The following TOM1 variants were observed in gnomAD, a reference collection of about 807,000 sequenced individuals.
TOM1 encodes target of myb1 membrane trafficking protein, also known as target of Myb protein 1.
A neutral mutation model predicts 61.3 loss-of-function variants in TOM1; 38 were observed. The observed-to-expected ratio is 0.62, with a 90% CI of 0.48 to 0.81. The LOEUF (loss-of-function observed/expected upper bound fraction) is 0.81, where lower values mean the gene tolerates loss of function less well. Among genes scored for constraint, TOM1 ranks in the 40% least tolerant of loss-of-function variants. The probability of loss-of-function intolerance (pLI) is 0.00; values close to 1 mark genes in which losing one functional copy is unlikely to be tolerated. For missense variants in TOM1, 591 were observed against 659.6 expected (o/e 0.90, Z 1.14); for synonymous variants, 270 against 268.8 (o/e 1.00, Z -0.04).
At chr22:35,299,757 C>A (rs1925536589), upstream of TOM1, 7 of 711,734 alleles carry the variant, frequency 9.8e-6, no homozygotes, top group East Asian at 1.9e-4. Flanking sequence ...CGCCCTCCGC[C>A]TCGGGGGCGG....
rs8136664 is a variant in TOM1 at position 35,333,588 on chromosome 22, A to G, written c.1027+91A>G. 2.2e-3 allele frequency: 2,535 copies of G among 1,140,810 alleles called. 41 individuals carry two copies. The African/African-American group carries it at 0.035, about 16-fold the overall frequency. The allele number at this position is 1,140,810 out of a possible 1,614,324, so 70.7% of individuals were successfully genotyped here. ...TTCGGGGTGCCCTTGTTATATACCC[A>G]CAGCAGAGTGTCAGTCTGGACCCCA... On this transcript the variant is annotated intron_variant, in intron 10 of 14. Coordinates refer to ENST00000449058, the MANE Select transcript of TOM1 (RefSeq NM_005488.3).
chr22:35,332,188 C>T (rs1283195538), intron 8 of TOM1, among the ~76,000 whole-genome samples: 1 of 152,112 alleles, frequency 6.6e-6, no homozygotes, highest in African/African-American at 2.4e-5. Context: ...TTCTCCTGCT[C>T]GTTGGCCCAG....
rs558421255 is a variant in TOM1 at position 35,347,634 on chromosome 22, T to G, written c.*425T>G. On this transcript the variant is annotated 3_prime_UTR_variant, in exon 15 of 15. Coordinates refer to ENST00000449058, the MANE Select transcript of TOM1 (RefSeq NM_005488.3). Reference sequence around the variant, plus strand: ...TGGAGGCTGGCCACAGTGGAAATTCTGCCGAGCCTCTTGTCCCTTCCCTGC... The same window carrying G: ...TGGAGGCTGGCCACAGTGGAAATTCGGCCGAGCCTCTTGTCCCTTCCCTGC... 1 of 159,720 alleles carries G rather than the reference T, an allele frequency of 6.3e-6. No individual in the cohort carries two copies. Among genetic ancestry groups the G allele is most frequent in the African/African-American group, 2.4e-5 (1 of 41,762 alleles). The allele number at this position is 159,720 out of a possible 1,614,324, so 9.9% of individuals were successfully genotyped here.
intron 12 of TOM1, among the ~76,000 whole-genome samples, chr22:35,342,374 C>T (rs1427449085): frequency 1.3e-5 from 2 of 152,038 alleles, no homozygotes; most frequent in African/African-American, 4.8e-5. Flanking sequence ...GGGAGCAGGA[C>T]TCTCGTCTCC....
chr22:35,300,679 C>T (rs569977860), intron 1 of TOM1, among the ~76,000 whole-genome samples: 2 of 152,312 alleles, frequency 1.3e-5, no homozygotes, highest in African/African-American at 4.8e-5. Flanking sequence ...CAAGCCAAGC[C>T]CAGGGCACCT....
intron 1 of TOM1, among the ~76,000 whole-genome samples, chr22:35,312,852 T>G (rs1926955297): frequency 6.6e-6 from 1 of 152,100 alleles, no homozygotes; most frequent in Admixed American, 6.6e-5. Flanking sequence ...CCTCAGGCAG[T>G]GAGGGTGATG....
chr22:35,310,293 G>A (rs1926708302), intron 1 of TOM1, among the ~76,000 whole-genome samples: 1 of 152,172 alleles, frequency 6.6e-6, no homozygotes, highest in Admixed American at 6.5e-5. Context: ...GGTGGCTCAC[G>A]CCTGTAATCC....
intron 1 of TOM1, among the ~76,000 whole-genome samples, chr22:35,304,055 C>T (rs1175010646): frequency 6.6e-6 from 1 of 152,188 alleles, no homozygotes; most frequent in Non-Finnish European, 1.5e-5. Flanking sequence ...GTATTAATCT[C>T]ATGGTGACCC....
intron 8 of TOM1, among the ~76,000 whole-genome samples, chr22:35,331,093 CTT>C (rs773623729): frequency 0.032 from 4,070 of 127,078 alleles, 170 homozygotes; most frequent in African/African-American, 0.11. Flanking sequence ...ACCTGTCCAC[CTT>C]TTTTTTTTTT....
chr22:35,315,135 G>A (rs1446134400), intron 1 of TOM1, among the ~76,000 whole-genome samples: 1 of 152,048 alleles, frequency 6.6e-6, no homozygotes, highest in Non-Finnish European at 1.5e-5. Context: ...GAGGAGGGAG[G>A]CAGGAGGAGG....
rs1479375468 is a variant in TOM1 at position 35,323,412 on chromosome 22, A to G, written c.367-84A>G. The G allele has an allele frequency of 9.2e-6, 14 of 1,517,484 alleles. No homozygotes were observed. The highest frequency in any genetic ancestry group is 1.4e-5 in the African/African-American group (1 of 71,226). The allele number at this position is 1,517,484 out of a possible 1,614,324, so 94.0% of individuals were successfully genotyped here. A position where few individuals can be genotyped will look rare whatever the true frequency, so the allele number is the denominator to read the frequency against. On this transcript the variant is annotated intron_variant, in intron 4 of 14. Coordinates refer to ENST00000449058, the MANE Select transcript of TOM1 (RefSeq NM_005488.3). The surrounding 1 kb of genome is among the most constrained non-coding windows in gnomAD (Gnocchi z 4.2). Reference sequence around the variant, plus strand: ...AAAAAAAAAAAAAAGCAGGGAAAGAATGTCTGTTCTCTGTCTGAGTGCCAG... The same window carrying G: ...AAAAAAAAAAAAAAGCAGGGAAAGAGTGTCTGTTCTCTGTCTGAGTGCCAG...
At position 35,299,926 on chromosome 22, in the gene TOM1, G is replaced by C; in HGVS notation, c.-3G>C. 6.3e-7 allele frequency: 1 copy of C among 1,581,700 alleles called. No homozygotes were observed. Among genetic ancestry groups the C allele is most frequent in the South Asian group, 1.1e-5 (1 of 87,382 alleles). ...GGGGTTGGTGGCAGCGGCGGTAGCA[G>C]CAATGGACTTTCTCCTGGGGAACCC... On this transcript the variant is annotated 5_prime_UTR_variant, in exon 1 of 15. Transcript: ENST00000449058.
At chr22:35,341,610 G>T (rs62233316) in intron 12 of TOM1, among the ~76,000 whole-genome samples, 1 of 152,164 alleles carries the variant, frequency 6.6e-6, no homozygotes, top group African/African-American at 2.4e-5. Context: ...CCACCACCCA[G>T]TGGGCAGCAA....
Position 35,323,860 on chromosome 22 carries a change from G to C in TOM1, c.594G>C (p.Leu198=), listed in dbSNP as rs1041324668. 5 of 1,609,008 alleles carry C rather than the reference G, an allele frequency of 3.1e-6. No homozygotes were observed. The highest frequency in any genetic ancestry group is 4.2e-6 in the Non-Finnish European group (5 of 1,177,350). Residue 198 remains leucine, a synonymous_variant, in exon 6 of 15, where the codon CTG becomes CTC. Transcript: ENST00000449058. This position sits in a 1 kb window ranked among gnomAD's most constrained non-coding sequence, Gnocchi z 4.2. The stretch of plus-strand genomic sequence containing the variant: ...ACTCTGGCCAGCATGCTGCCCCTCT[G>C]CCCGCCCCGCCCATACTCTCCGGTG... ...QEDSGQHAAP[L]PAPPILSGDT...
chr22:35,313,792 C>T (rs1464801305), intron 1 of TOM1, among the ~76,000 whole-genome samples: 1 of 152,148 alleles, frequency 6.6e-6, no homozygotes, highest in Admixed American at 6.5e-5. Flanking sequence ...CCCAGTGATC[C>T]GAAGCCACAG....
Position 35,299,921 on chromosome 22 carries a change from T to A in TOM1, c.-8T>A. The A allele has an allele frequency of 6.3e-7, 1 of 1,578,586 alleles. No individual in the cohort carries two copies. Among genetic ancestry groups the A allele is most frequent in the Non-Finnish European group, 8.6e-7 (1 of 1,160,574 alleles). On this transcript the variant is annotated 5_prime_UTR_variant, in exon 1 of 15. Transcript: ENST00000449058. The stretch of plus-strand genomic sequence containing the variant: ...TTCCCGGGGTTGGTGGCAGCGGCGG[T>A]AGCAGCAATGGACTTTCTCCTGGGG...
At chr22:35,317,772 C>A in intron 1 of TOM1, 105 bp from the exon 2 acceptor site, 1 of 789,710 alleles carries the variant, frequency 1.3e-6, no homozygotes, top group Non-Finnish European at 2.3e-6. Flanking sequence ...CATCTTCCTC[C>A]TCCCCATCTC....
At position 35,323,031 on chromosome 22, in the gene TOM1, T is replaced by C; in HGVS notation, c.220T>C (p.Leu74=). ...FHEVMLALTV[L]ETCVKNCGHR... is the part of the protein sequence containing the mutation. ...ACGGCACCTCTCGGCCCTCCAGGTC[T>C]TAGAAACCTGTGTCAAGAACTGCGG... The change falls in exon 4 of 15, where the codon TTA becomes CTA. Residue 74 remains leucine, a synonymous_variant. Coordinates refer to ENST00000449058, the MANE Select transcript of TOM1 (RefSeq NM_005488.3). This position sits in a 1 kb window ranked among gnomAD's most constrained non-coding sequence, Gnocchi z 4.2. 6.2e-7 allele frequency: 1 copy of C among 1,613,998 alleles called. No individual in the cohort carries two copies. The highest frequency in any genetic ancestry group is 8.5e-7 in the Non-Finnish European group (1 of 1,180,006).
chr22:35,305,156 C>T (rs906780322), intron 1 of TOM1, among the ~76,000 whole-genome samples: 18 of 152,204 alleles, frequency 1.2e-4, no homozygotes, highest in African/African-American at 3.9e-4. Flanking sequence ...GACACTTAAG[C>T]GATGTTGAGG....
Sources: gnomAD v4.1 joint callset for allele counts (sites outside exome capture counted in the v4.1 genomes callset) on GRCh38, gnomAD v4.1.1 for gene constraint, Gnocchi (gnomAD v3.1) non-coding constraint, MANE v1.5 for transcripts, NCBI Gene and HGNC (gene_info 2026-07-23, HGNC 2026-07-21) for gene names.